The following GABRB3 variants were observed in gnomAD, a reference collection of about 807,000 sequenced individuals.
GABRB3 encodes gamma-aminobutyric acid receptor subunit beta-3.
In GABRB3, 14 loss-of-function variants were observed where a neutral mutation model predicts 52.1. That is an observed-to-expected ratio of 0.27 (90% CI 0.18 to 0.42). The LOEUF is 0.42. Ranked by LOEUF, GABRB3 falls within the 10% of genes least tolerant of loss-of-function variation. The pLI, the probability that GABRB3 is intolerant of heterozygous loss-of-function variation, is 1.00. For synonymous variants in GABRB3, 260 were observed against 232.3 expected (o/e 1.12, Z -1.08); for missense variants, 307 against 609.1 (o/e 0.50, Z 5.22).
intron 6 of GABRB3, among the ~76,000 whole-genome samples, chr15:26,573,843 A>ATTGCTTGAACCCAGGG (rs1890499578): frequency 1.3e-5 from 2 of 152,136 alleles, no homozygotes; most frequent in Admixed American, 1.3e-4. Context: ...TGAACCCAGG[A>ATTGCTTGAACCCAGGG]GTTCAAGACC....
chr15:26,628,926 G>C, intron 3 of GABRB3: 1 of 1,502,500 alleles, frequency 6.7e-7, no homozygotes, highest in Non-Finnish European at 9.0e-7. Context: ...TCAGGTGCAA[G>C]AGCGCCTCCA....
chr15:26,641,967 GAAGCCTTAAACTCCTGGGTTC>G (rs920872927), intron 3 of GABRB3, among the ~76,000 whole-genome samples: 2 of 151,560 alleles, frequency 1.3e-5, no homozygotes, highest in African/African-American at 4.9e-5. Context: ...ATAGCTCACT[GAAGCCTTAAACTCCTGGGTTC>G]AAGCAATCCT....
intron 3 of GABRB3, among the ~76,000 whole-genome samples, chr15:26,680,982 C>G (rs879931548): frequency 1.3e-5 from 2 of 152,186 alleles, no homozygotes; most frequent in Non-Finnish European, 2.9e-5. Context: ...TGAATGCGTG[C>G]ATTTTGTAAG....
rs76573150 is a variant in GABRB3 at position 26,545,737 on chromosome 15, C to T, written c.*2056G>A. ...AATCTGTTTAACTTTTAGGATCCCC[C>T]ATTGTTACCCATGGAAAAAATGGTC... On this transcript the variant is annotated 3_prime_UTR_variant, in exon 9 of 9. Transcript: ENST00000311550. 1 of 152,438 alleles carries T rather than the reference C, an allele frequency of 6.6e-6. No individual in the cohort carries two copies. The highest frequency in any genetic ancestry group is 2.4e-5 in the African/African-American group (1 of 41,384). 9.4% of individuals were successfully genotyped at this position (152,438 alleles called of 1,614,324 possible). A position where few individuals can be genotyped will look rare whatever the true frequency, so the allele number is the denominator to read the frequency against.
At chr15:26,596,965 G>A (rs570874115) in intron 4 of GABRB3, among the ~76,000 whole-genome samples, 4 of 152,322 alleles carry the variant, frequency 2.6e-5, no homozygotes, top group Admixed American at 2.6e-4. Context: ...GCAGTGTAGT[G>A]TATAATACAG....
At chr15:26,650,828 G>T (rs1277632170) in intron 3 of GABRB3, among the ~76,000 whole-genome samples, 1 of 152,100 alleles carries the variant, frequency 6.6e-6, no homozygotes, top group African/African-American at 2.4e-5. Context: ...GGTAGATGGG[G>T]AGATGGTTGG....
At chr15:26,617,406 A>G (rs1442009842) in intron 4 of GABRB3, among the ~76,000 whole-genome samples, 4 of 151,766 alleles carry the variant, frequency 2.6e-5, no homozygotes, top group African/African-American at 7.3e-5. Flanking sequence ...AGAACCAAAG[A>G]AAAAAACCAC....
intron 4 of GABRB3, among the ~76,000 whole-genome samples, chr15:26,596,753 A>G (rs1490027561): frequency 6.6e-6 from 1 of 152,232 alleles, no homozygotes; most frequent in Non-Finnish European, 1.5e-5. Flanking sequence ...TGTATATGGT[A>G]TATATCACAG....
intron 3 of GABRB3, among the ~76,000 whole-genome samples, chr15:26,669,944 C>T (rs1486811616): frequency 6.6e-6 from 1 of 152,252 alleles, no homozygotes; most frequent in Non-Finnish European, 1.5e-5. Flanking sequence ...ATGCCGTGCA[C>T]TGCACCTGCA....
intron 3 of GABRB3, among the ~76,000 whole-genome samples, chr15:26,654,426 G>A (rs1015330021): frequency 2.6e-5 from 4 of 151,924 alleles, no homozygotes; most frequent in African/African-American, 7.2e-5. Context: ...GATTACAGGC[G>A]TGAGCCACCG....
At chr15:26,554,553 T>C (rs1889682162) in intron 8 of GABRB3, among the ~76,000 whole-genome samples, 1 of 152,130 alleles carries the variant, frequency 6.6e-6, no homozygotes, top group Non-Finnish European at 1.5e-5. Flanking sequence ...AGATGACATT[T>C]ATAAGCCTTG....
intron 4 of GABRB3, among the ~76,000 whole-genome samples, chr15:26,593,981 AATATATATAT>A (rs61218096): frequency 0.16 from 21,858 of 133,932 alleles, 1,831 homozygotes; most frequent in South Asian, 0.17. Context: ...CTCATTTTAA[AATATATATAT>A]ATATATATAT....
chr15:26,640,207 C>G (rs4906890), intron 3 of GABRB3, among the ~76,000 whole-genome samples: 19,963 of 152,112 alleles, frequency 0.13, 1,463 homozygotes, highest in Admixed American at 0.21. Context: ...CAGTAGCATT[C>G]AGATGGTGAT....
chr15:26,605,942 CG>C (rs1169523458), intron 4 of GABRB3, among the ~76,000 whole-genome samples: 8 of 152,030 alleles, frequency 5.3e-5, no homozygotes, highest in Admixed American at 1.3e-4. Flanking sequence ...TACAACACAG[CG>C]GAAGTCGAAT....
chr15:26,585,032 A>G (rs888729271), intron 4 of GABRB3, among the ~76,000 whole-genome samples: 4 of 152,234 alleles, frequency 2.6e-5, no homozygotes, highest in Admixed American at 6.5e-5. Flanking sequence ...ACTGGAGAGC[A>G]AAGGATGAGA....
intron 3 of GABRB3, among the ~76,000 whole-genome samples, chr15:26,657,640 G>A (rs1384412286): frequency 6.6e-6 from 1 of 152,200 alleles, no homozygotes; most frequent in Non-Finnish European, 1.5e-5. Flanking sequence ...AACATGAGAA[G>A]CAGAAGTATC....
intron 3 of GABRB3, among the ~76,000 whole-genome samples, chr15:26,656,801 ATGCCTGG>A (rs1887387598): frequency 6.6e-6 from 1 of 152,218 alleles, no homozygotes; most frequent in African/African-American, 2.4e-5. Context: ...CACGAAACAG[ATGCCTGG>A]TGCCAAAAAG....
At chr15:26,627,980 C>T (rs970937568) in intron 3 of GABRB3, among the ~76,000 whole-genome samples, 8 of 152,212 alleles carry the variant, frequency 5.3e-5, no homozygotes, top group African/African-American at 1.9e-4. Flanking sequence ...CCACAGCTTT[C>T]AGCAACCACC....
chr15:26,610,032 T>C (rs1170310503), intron 4 of GABRB3, among the ~76,000 whole-genome samples: 1 of 152,172 alleles, frequency 6.6e-6, no homozygotes, highest in Non-Finnish European at 1.5e-5. Flanking sequence ...AACTGAAACA[T>C]ACTGGCTCAC....
Sources: allele counts gnomAD v4.1 joint callset (sites outside exome capture counted in the v4.1 genomes callset), GRCh38; gene constraint gnomAD v4.1.1; transcripts MANE v1.5; gene names NCBI Gene and HGNC (gene_info 2026-07-23, HGNC 2026-07-21).